PRDM11: variants seen among roughly 807,000 people sequenced by gnomAD.
The protein encoded by PRDM11 is PR domain-containing protein 11.
A neutral mutation model predicts 97.8 loss-of-function variants in PRDM11; 20 were observed. That is an observed-to-expected ratio of 0.20 (90% CI 0.14 to 0.30). The LOEUF is 0.30. Ranked by LOEUF, PRDM11 falls within the 10% of genes least tolerant of loss-of-function variation. PRDM11 has a pLI of 1.00. For missense variants in PRDM11, 1,139 were observed against 1,555.2 expected, an observed-to-expected ratio of 0.73 and a Z score of 4.50; for synonymous variants, 599 against 637.7, an observed-to-expected ratio of 0.94 and a Z score of 0.91.
chr11:45,154,898 C>G (rs1851753412), intron 1 of PRDM11, among the ~76,000 whole-genome samples: 1 of 152,228 alleles, frequency 6.6e-6, no homozygotes, highest in South Asian at 2.1e-4. Flanking sequence ...CTCTGCACCC[C>G]AGTCCTTCTG....
rs752888581 is a variant in PRDM11 at position 45,162,555 on chromosome 11, C to T, written c.-7+15678C>T. Among the ~76,000 whole-genome samples the T allele has an allele frequency of 2.6e-5, 4 of 152,288 alleles. No individual in the cohort carries two copies. The South Asian group carries it at 8.3e-4, about 32-fold the overall frequency. On this transcript the variant is annotated intron_variant, in intron 1 of 7. Coordinates refer to ENST00000683152, the MANE Select transcript of PRDM11 (RefSeq NM_001384648.1). ...GCTTTGGGTTCTGGCTCAGCAATAA[C>T]CACTCATATTTACTGAGCACTTATG... is the stretch of plus-strand genomic sequence containing the variant.
chr11:45,223,168 T>C (rs1457950420), intron 6 of PRDM11, among the ~76,000 whole-genome samples: 5 of 151,958 alleles, frequency 3.3e-5, no homozygotes, highest in African/African-American at 1.2e-4. Flanking sequence ...GTACAAAAAT[T>C]AGGGTGTGAT....
chr11:45,224,993 G>T, intron 7 of PRDM11, 150 bp downstream of exon 7: 1 of 1,498,034 alleles, frequency 6.7e-7, no homozygotes, highest in South Asian at 1.3e-5. Context: ...GGGAGCCCAG[G>T]TCCTCAGTGT....
At chr11:45,103,153 G>A (rs919146910) in intron 1 of PRDM11, among the ~76,000 whole-genome samples, 2 of 152,106 alleles carry the variant, frequency 1.3e-5, no homozygotes, top group African/African-American at 4.8e-5. Context: ...ATGTCTACTG[G>A]ACAGGACTCA....
At chr11:45,176,082 TAATGTC>T (rs1245762613) in intron 1 of PRDM11, among the ~76,000 whole-genome samples, 1 of 152,148 alleles carries the variant, frequency 6.6e-6, no homozygotes, top group Admixed American at 6.5e-5. Context: ...GGCCCTCTTC[TAATGTC>T]AAACAATTTT....
chr11:45,161,829 G>A (rs780807406), intron 1 of PRDM11, among the ~76,000 whole-genome samples: 32 of 152,228 alleles, frequency 2.1e-4, no homozygotes, highest in Non-Finnish European at 7.3e-5. Context: ...TTGCAGCCAC[G>A]CTGGAAAAAC....
intron 1 of PRDM11, among the ~76,000 whole-genome samples, chr11:45,112,070 C>T (rs993947854): frequency 5.3e-5 from 8 of 152,098 alleles, no homozygotes; most frequent in Non-Finnish European, 1.0e-4. Flanking sequence ...ACACTGTACC[C>T]AATATGTAGT....
intron 1 of PRDM11, among the ~76,000 whole-genome samples, chr11:45,120,456 C>T (rs1182648602): frequency 6.6e-6 from 1 of 151,592 alleles, no homozygotes; most frequent in East Asian, 1.9e-4. Context: ...CAAAGACAAA[C>T]AGTAAAAAGC....
chr11:45,190,935 T>A (rs1225863450), intron 4 of PRDM11, among the ~76,000 whole-genome samples: 7 of 152,182 alleles, frequency 4.6e-5, no homozygotes, highest in Non-Finnish European at 1.0e-4. Flanking sequence ...CACCATATAA[T>A]GATTACACCC....
intron 4 of PRDM11, among the ~76,000 whole-genome samples, chr11:45,200,798 C>G (rs1415067584): frequency 6.6e-6 from 1 of 152,176 alleles, no homozygotes; most frequent in Non-Finnish European, 1.5e-5. Flanking sequence ...CATGTTTTCT[C>G]TTTTTAGTTT....
intron 5 of PRDM11, chr11:45,212,473 T>C (rs1232997654): frequency 1.0e-5 from 4 of 396,552 alleles, no homozygotes; most frequent in Non-Finnish European, 2.0e-5. Flanking sequence ...CCCAAGATGA[T>C]GAAGATGAGG....
intron 4 of PRDM11, among the ~76,000 whole-genome samples, chr11:45,201,776 G>T (rs1429573863): frequency 6.6e-6 from 1 of 152,020 alleles, no homozygotes; most frequent in Non-Finnish European, 1.5e-5. Flanking sequence ...GACCATCCTG[G>T]CTAACACGGT....
intron 4 of PRDM11, among the ~76,000 whole-genome samples, chr11:45,190,955 G>T (rs2135758702): frequency 6.6e-6 from 1 of 152,230 alleles, no homozygotes; most frequent in East Asian, 1.9e-4. Context: ...CAGGAAATTT[G>T]ACATGGATAC....
chr11:45,148,942 CCTCTT>C (rs1436115769), intron 1 of PRDM11, among the ~76,000 whole-genome samples: 4 of 152,138 alleles, frequency 2.6e-5, no homozygotes, highest in African/African-American at 9.7e-5. Context: ...CCTCTCTAAA[CCTCTT>C]CTAGGGCTCT....
chr11:45,158,766 A>G (rs1486161627), intron 1 of PRDM11, among the ~76,000 whole-genome samples: 2 of 151,186 alleles, frequency 1.3e-5, no homozygotes, highest in Admixed American at 6.6e-5. Flanking sequence ...TTCACTGTGC[A>G]GGCCTGCTGA....
chr11:45,103,730 T>A (rs1805180497), intron 1 of PRDM11, among the ~76,000 whole-genome samples: 1 of 148,058 alleles, frequency 6.8e-6, no homozygotes, highest in South Asian at 2.1e-4. Flanking sequence ...TGTAATACTA[T>A]ATATAGTATA....
In PRDM11 at chr11:45,181,742, C is replaced by T. The variant is rs1852509612; in HGVS notation, c.-6-19C>T. On this transcript the variant is annotated intron_variant, in intron 1 of 7. Coordinates refer to ENST00000683152, the MANE Select transcript of PRDM11 (RefSeq NM_001384648.1). The stretch of plus-strand genomic sequence containing the variant: ...TCTTTGATCCTCTTCCTGTGCTGGT[C>T]CCACCTCCTGCGTCCCAGGACAGAA... 1 of 1,599,440 alleles carries T rather than the reference C, an allele frequency of 6.3e-7. No homozygotes were observed. Among genetic ancestry groups the T allele is most frequent in the African/African-American group, 1.3e-5 (1 of 74,676 alleles).
chr11:45,171,165 T>C (rs1852193361), intron 1 of PRDM11, among the ~76,000 whole-genome samples: 1 of 152,088 alleles, frequency 6.6e-6, no homozygotes, highest in Non-Finnish European at 1.5e-5. Flanking sequence ...AATGGTGCAA[T>C]CTAGGCTCAC....
intron 4 of PRDM11, among the ~76,000 whole-genome samples, chr11:45,203,360 T>C (rs1294883772): frequency 6.7e-6 from 1 of 149,232 alleles, no homozygotes; most frequent in African/African-American, 2.5e-5. Context: ...TATAAAAGGG[T>C]GGACCTGAAA....
Sources: gnomAD v4.1 joint callset for allele counts (sites outside exome capture counted in the v4.1 genomes callset) on GRCh38, gnomAD v4.1.1 for gene constraint, MANE v1.5 for transcripts, NCBI Gene and HGNC (gene_info 2026-07-23, HGNC 2026-07-21) for gene names.